TSPEAR: variants seen among roughly 807,000 people sequenced by gnomAD.
TSPEAR encodes the protein thrombospondin-type laminin G domain and EAR repeat-containing protein.
A neutral mutation model predicts 71.6 loss-of-function variants in TSPEAR; 69 were observed. That is an observed-to-expected ratio of 0.96 (90% CI 0.79 to 1.18). TSPEAR has a LOEUF of 1.18. Ranked by LOEUF, TSPEAR falls within the 50% of genes most tolerant of loss-of-function variation. The pLI is 0.00. For missense variants in TSPEAR, 971 were observed against 894.9 expected (o/e 1.09, Z -1.09); for synonymous variants, 402 against 387.2 (o/e 1.04, Z -0.45).
At chr21:44,575,416 T>C (rs587604895) in intron 1 of TSPEAR, 93 of 229,094 alleles carry the variant, frequency 4.1e-4, no homozygotes, top group African/African-American at 2.0e-3. Flanking sequence ...CTCACGGCCA[T>C]GGTTTTCTCC....
rs767915213 is a variant in TSPEAR, at chr21:44,642,248, CTCATTCT to C, written c.82+69178_82+69184del. 2.2e-3 allele frequency among the ~76,000 whole-genome samples: 331 copies of C among 152,030 alleles called. 2 individuals carry two copies. The highest frequency in any genetic ancestry group is 3.2e-3 in the Non-Finnish European group (216 of 68,020). ...AAATATGGAAATGGTATTGAAAAAG[CTCATTCT>C]TCAGAAGGCAGACTCAGATGTTTCA... On this transcript the variant is annotated intron_variant, in intron 1 of 11. Transcript: ENST00000323084. The surrounding 1 kb of genome is among the most constrained non-coding windows in gnomAD (Gnocchi z 4.1).
chr21:44,576,724 C>G (rs771895190), intron 1 of TSPEAR, among the ~76,000 whole-genome samples: 2 of 152,200 alleles, frequency 1.3e-5, no homozygotes, highest in African/African-American at 2.4e-5. Flanking sequence ...AAACCTCACT[C>G]TGTCTTCAGA....
chr21:44,613,675 C>A (rs1389991116), intron 1 of TSPEAR, among the ~76,000 whole-genome samples: 4 of 152,084 alleles, frequency 2.6e-5, no homozygotes, highest in South Asian at 2.1e-4. Context: ...TCGATGGGAA[C>A]AAAAGCATCA....
chr21:44,600,572 A>AC, intron 1 of TSPEAR: 2 of 1,344,704 alleles, frequency 1.5e-6, no homozygotes, highest in African/African-American at 3.5e-5. Context: ...TCACTCACTC[A>AC]TTCACTCACT....
At chr21:44,592,623 A>T in intron 1 of TSPEAR, 1 of 1,345,516 alleles carries the variant, frequency 7.4e-7, no homozygotes, top group Middle Eastern at 2.5e-4. Context: ...GTCTGCCGGG[A>T]TTAGGGGTGT....
chr21:44,630,324 G>A (rs1983182233), intron 1 of TSPEAR, among the ~76,000 whole-genome samples: 1 of 152,168 alleles, frequency 6.6e-6, no homozygotes, highest in African/African-American at 2.4e-5. Context: ...ATTCCCTCCA[G>A]CCAGAGAAGC....
intron 1 of TSPEAR, among the ~76,000 whole-genome samples, chr21:44,706,300 C>T (rs1355350215): frequency 3.3e-5 from 5 of 152,264 alleles, no homozygotes; most frequent in Non-Finnish European, 4.4e-5. Flanking sequence ...TGTGTGTACA[C>T]GCATGCACAC....
chr21:44,543,839 C>G (rs1320212049), intron 2 of TSPEAR, among the ~76,000 whole-genome samples: 1 of 152,140 alleles, frequency 6.6e-6, no homozygotes, highest in East Asian at 1.9e-4. Context: ...AGAACTATGA[C>G]AGAATAATTT....
Position 44,528,647 on chromosome 21 carries a change from G to C in TSPEAR, c.791-64C>G, listed in dbSNP as rs115864816. On this transcript the variant is annotated intron_variant, in intron 5 of 11. Transcript: ENST00000323084. ...AGTGCCCCCAAAGGAAGACGACACAGGAAGAGGCCCCCAAACCAGGCTGCC... is the reference window on the plus strand; with the variant it reads ...AGTGCCCCCAAAGGAAGACGACACACGAAGAGGCCCCCAAACCAGGCTGCC... 2.3e-3 allele frequency: 3,588 copies of C among 1,586,782 alleles called. 86 individuals are homozygous for C. The African/African-American group carries it at 0.042, about 19-fold the overall frequency.
intron 2 of TSPEAR, chr21:44,551,125 G>A (rs781884692): frequency 1.9e-6 from 3 of 1,561,214 alleles, no homozygotes; most frequent in South Asian, 1.1e-5. Context: ...CAGCAGACGG[G>A]CACACAGCAC....
intron 1 of TSPEAR, among the ~76,000 whole-genome samples, chr21:44,672,366 T>C (rs11088957): frequency 0.76 from 115,306 of 152,020 alleles, 44,040 homozygotes; most frequent in African/African-American, 0.85. Flanking sequence ...GTCAGGAGAT[T>C]GAGACCATCC....
intron 1 of TSPEAR, among the ~76,000 whole-genome samples, chr21:44,693,649 T>C (rs1555950048): frequency 8.7e-5 from 1 of 11,434 alleles, no homozygotes; most frequent in Non-Finnish European, 1.6e-4. Flanking sequence ...TGGCTGTAAT[T>C]TTTTTTTTTT....
At position 44,509,162 on chromosome 21, in the gene TSPEAR, A is replaced by C. The variant is rs148385524; in HGVS notation, c.1754+37T>G. The stretch of plus-strand genomic sequence containing the variant: ...TTCCGACATGGTGGGCCTCCCAGAG[A>C]TCAGCCCACCTCCCACTGGCCTGTG... On this transcript the variant is annotated intron_variant, in intron 10 of 11. Coordinates refer to ENST00000323084, the MANE Select transcript of TSPEAR (RefSeq NM_144991.3). The C allele has an allele frequency of 7.0e-4, 1,110 of 1,593,028 alleles. 9 individuals carry two copies. The African/African-American group carries it at 0.013, about 18-fold the overall frequency.
At chr21:44,704,657 C>T (rs1317117204) in intron 1 of TSPEAR, among the ~76,000 whole-genome samples, 5 of 152,176 alleles carry the variant, frequency 3.3e-5, no homozygotes, top group Non-Finnish European at 7.3e-5. Context: ...GAGGTCTCTC[C>T]AGGATGGGCC....
chr21:44,508,580 T>G, intron 10 of TSPEAR: 2 of 1,174,560 alleles, frequency 1.7e-6, no homozygotes, highest in Non-Finnish European at 2.1e-6. Context: ...GTCAGGATGG[T>G]TGTGGATTCT....
intron 1 of TSPEAR, among the ~76,000 whole-genome samples, chr21:44,651,854 A>C (rs587685491): frequency 6.6e-6 from 1 of 152,178 alleles, no homozygotes; most frequent in Non-Finnish European, 1.5e-5. Context: ...GACTAAGGGG[A>C]AAAAAATCAA....
intron 1 of TSPEAR, among the ~76,000 whole-genome samples, chr21:44,629,471 A>C (rs1983127716): frequency 6.6e-6 from 1 of 152,166 alleles, no homozygotes; most frequent in Admixed American, 6.5e-5. Context: ...TCTTCTCAAG[A>C]GGACACCAGT....
chr21:44,561,750 T>C (rs1170971060), intron 2 of TSPEAR, among the ~76,000 whole-genome samples: 1 of 152,200 alleles, frequency 6.6e-6, no homozygotes, highest in Non-Finnish European at 1.5e-5. Context: ...TCTCAATAGA[T>C]GCAGAAAAGG....
chr21:44,674,963 G>A (rs1986241316), intron 1 of TSPEAR, among the ~76,000 whole-genome samples: 2 of 151,752 alleles, frequency 1.3e-5, no homozygotes, highest in Admixed American at 6.6e-5. Flanking sequence ...AAGAGCCCAG[G>A]CCTGAATGGC....
Sources: allele counts gnomAD v4.1 joint callset (sites outside exome capture counted in the v4.1 genomes callset), GRCh38; gene constraint gnomAD v4.1.1; non-coding constraint Gnocchi (gnomAD v3.1); transcripts MANE v1.5; gene names NCBI Gene and HGNC (gene_info 2026-07-23, HGNC 2026-07-21).